Variants in SLC7A2 observed in about 807,000 individuals in gnomAD.
The protein encoded by SLC7A2 is cationic amino acid transporter 2.
Under a neutral mutation model 58.9 loss-of-function variants are expected in SLC7A2, and 48 were observed. The observed-to-expected ratio is 0.82, with a 90% CI of 0.65 to 1.04. The LOEUF (loss-of-function observed/expected upper bound fraction) is 1.04, where lower values mean the gene tolerates loss of function less well. SLC7A2 is among the 50% of genes least tolerant of loss of function. SLC7A2 has a pLI of 0.00. For synonymous variants in SLC7A2, 363 were observed against 314.5 expected (o/e 1.15, Z -1.63); for missense variants, 1,029 against 818.8 (o/e 1.26, Z -3.13).
At chr8:17,523,712 TCATGAC>T (rs1801108025) in intron 2 of SLC7A2, among the ~76,000 whole-genome samples, 1 of 152,144 alleles carries the variant, frequency 6.6e-6, no homozygotes, top group African/African-American at 2.4e-5. Context: ...GGCAAAGAGT[TCATGAC>T]CAAGAACCCA....
At chr8:17,516,196 C>G (rs1029756077) in intron 2 of SLC7A2, among the ~76,000 whole-genome samples, 2 of 150,524 alleles carry the variant, frequency 1.3e-5, no homozygotes, top group Admixed American at 6.7e-5. Flanking sequence ...AGTTCTATAA[C>G]TGTTTTATTT....
chr8:17,524,421 T>TAC (rs367710230), intron 2 of SLC7A2, among the ~76,000 whole-genome samples: 9,178 of 134,940 alleles, frequency 0.068, 288 homozygotes, highest in African/African-American at 0.089. Flanking sequence ...TGTGTGTGTG[T>TAC]ACACACACAC....
chr8:17,559,085 A>AT (rs990817645), intron 9 of SLC7A2, among the ~76,000 whole-genome samples: 2 of 151,986 alleles, frequency 1.3e-5, no homozygotes, highest in Non-Finnish European at 2.9e-5. Flanking sequence ...ACTTTCATGT[A>AT]TTTTTTCTCA....
intron 2 of SLC7A2, among the ~76,000 whole-genome samples, chr8:17,537,690 T>TTTGGGGG (rs1773046197): frequency 2.6e-5 from 4 of 152,198 alleles, no homozygotes; most frequent in Middle Eastern, 3.4e-3. Flanking sequence ...TCCTAGCAGC[T>TTTGGGGG]TGGGGAGAGG....
At chr8:17,526,243 G>A (rs1380796714) in intron 2 of SLC7A2, among the ~76,000 whole-genome samples, 1 of 152,096 alleles carries the variant, frequency 6.6e-6, no homozygotes, top group Admixed American at 6.6e-5. Context: ...AGATTTAAAA[G>A]GTGGAAGAAT....
chr8:17,502,221 T>G (rs1275171068), intron 1 of SLC7A2, 36 bp from the exon 2 acceptor site: 5 of 151,420 alleles, frequency 3.3e-5, no homozygotes, highest in African/African-American at 1.2e-4. Flanking sequence ...ATCACATGAG[T>G]CCTTTAGTTA....
At chr8:17,526,881 G>C (rs1222375590) in intron 2 of SLC7A2, among the ~76,000 whole-genome samples, 1 of 152,176 alleles carries the variant, frequency 6.6e-6, no homozygotes, top group Non-Finnish European at 1.5e-5. Flanking sequence ...TAATGTATTA[G>C]GATTTCAGCA....
At chr8:17,564,835 C>G in intron 12 of SLC7A2, 115 bp from the exon 13 acceptor site, 1 of 893,768 alleles carries the variant, frequency 1.1e-6, no homozygotes, top group Non-Finnish European at 1.6e-6. Context: ...TTCTAAAGTA[C>G]TACAGAAAGG....
chr8:17,563,820 T>A, intron 12 of SLC7A2, 109 bp downstream of exon 12: 1 of 701,724 alleles, frequency 1.4e-6, no homozygotes, highest in Non-Finnish European at 2.5e-6. Flanking sequence ...CGCTTCTTTC[T>A]TTCCTAATTC....
chr8:17,524,045 C>T (rs1220965765), intron 2 of SLC7A2, among the ~76,000 whole-genome samples: 1 of 152,032 alleles, frequency 6.6e-6, no homozygotes, highest in Non-Finnish European at 1.5e-5. Flanking sequence ...AATCAAAAAC[C>T]ATAATGCAAT....
At chr8:17,500,797 CAT>C (rs1162864656) in intron 1 of SLC7A2, among the ~76,000 whole-genome samples, 4 of 72,130 alleles carry the variant, frequency 5.5e-5, no homozygotes, top group Non-Finnish European at 2.6e-5. Flanking sequence ...TCAACACACA[CAT>C]ACACACACAC....
intron 8 of SLC7A2, among the ~76,000 whole-genome samples, chr8:17,557,924 G>T (rs1024344335): frequency 1.3e-5 from 2 of 152,110 alleles, no homozygotes; most frequent in Non-Finnish European, 2.9e-5. Flanking sequence ...CTGTTTGAAT[G>T]TTTTTTTGTG....
chr8:17,551,814 T>C lies in SLC7A2; in HGVS notation c.883T>C (p.Ser295Pro), dbSNP rs1802464401. The change falls in exon 7 of 13, where the codon TCT becomes CCT. Residue 295 changes from serine (S) to proline (P), a missense_variant. Coordinates refer to ENST00000494857, the MANE Select transcript of SLC7A2 (RefSeq NM_001370338.1). The part of the protein sequence containing the change: ...QKAIPIGIVT[S>P]LLVCFMAYFG... ...AGCTATTCCCATTGGAATTGTGACG[T>C]CTTTGCTTGTTTGCTTTATGGCCTA... The C allele has an allele frequency of 6.2e-7, 1 of 1,613,984 alleles. No homozygotes were observed. Among genetic ancestry groups the C allele is most frequent in the Non-Finnish European group, 8.5e-7 (1 of 1,179,998 alleles).
chr8:17,548,640 TAAA>T (rs1449331655), intron 4 of SLC7A2, 35 bp from the exon 5 acceptor site: 1 of 1,525,386 alleles, frequency 6.6e-7, no homozygotes, highest in Non-Finnish European at 9.0e-7. Context: ...TTGCCTTTCC[TAAA>T]GCTAAATAAA....
At chr8:17,509,597 C>T (rs1001233205) in intron 2 of SLC7A2, among the ~76,000 whole-genome samples, 8 of 152,128 alleles carry the variant, frequency 5.3e-5, no homozygotes, top group Admixed American at 1.3e-4. Context: ...GGAGCCACCA[C>T]GCCCAACAAT....
At position 17,558,402 on chromosome 8, in the gene SLC7A2, G is replaced by C; in HGVS notation, c.1298+5G>C. 2 of 1,582,776 alleles carry C rather than the reference G, an allele frequency of 1.3e-6. No homozygotes were observed. The highest frequency in any genetic ancestry group is 1.7e-6 in the Non-Finnish European group (2 of 1,152,444). ...AGCCTGTGTTCTCATCCTCAGGTGA[G>C]TCACCTGGTGGTTCTACAGGGTGTA... On this transcript the variant is annotated splice_donor_5th_base_variant and intron_variant, in intron 9 of 12. Coordinates refer to ENST00000494857, the MANE Select transcript of SLC7A2 (RefSeq NM_001370338.1).
At chr8:17,534,383 G>T (rs561487369) in intron 2 of SLC7A2, among the ~76,000 whole-genome samples, 1 of 152,178 alleles carries the variant, frequency 6.6e-6, no homozygotes, top group African/African-American at 2.4e-5. Context: ...AGGATGAGCA[G>T]TTCGGACCCC....
In SLC7A2 at chr8:17,548,749, C is replaced by A. The variant is rs753989841; in HGVS notation, c.604C>A (p.Leu202Ile). The A allele has an allele frequency of 5.6e-6, 9 of 1,613,718 alleles. No individual in the cohort carries two copies. The highest frequency in any genetic ancestry group is 5.1e-6 in the Non-Finnish European group (6 of 1,179,748). Residue 202 changes from leucine to isoleucine, a missense_variant, in exon 5 of 13, where the codon CTT (leucine) becomes ATT (isoleucine). Leu to Ile is a conservative substitution (Grantham distance 5). Transcript: ENST00000494857. Reference sequence around the variant, plus strand: ...CTTCACAGCTGTTAATATTCTCGTCCTTCTGTTTGTGATGGTTGCTGGGTT... The same window carrying A: ...CTTCACAGCTGTTAATATTCTCGTCATTCTGTTTGTGATGGTTGCTGGGTT... ...KVFTAVNILV[L>I]LFVMVAGFVK... is the part of the protein sequence containing the mutation.
Position 17,566,769 on chromosome 8 carries a change from A to T in SLC7A2, c.*1623A>T, listed in dbSNP as rs1252136897. On this transcript the variant is annotated 3_prime_UTR_variant, in exon 13 of 13. Coordinates refer to ENST00000494857, the MANE Select transcript of SLC7A2 (RefSeq NM_001370338.1). ...TTTGCAGTGTATTTGCTTCTCATGA[A>T]CTATTTCTCGTACAAATCATTAAAT... 1.3e-5 allele frequency: 2 copies of T among 152,124 alleles called. No homozygotes were observed. The highest frequency in any genetic ancestry group is 4.8e-5 in the African/African-American group (2 of 41,420). The allele number at this position is 152,124 out of a possible 1,614,324, so 9.4% of individuals were successfully genotyped here. A position where few individuals can be genotyped will look rare whatever the true frequency, so the allele number is the denominator to read the frequency against.
Sources: gnomAD v4.1 joint callset for allele counts (sites outside exome capture counted in the v4.1 genomes callset) on GRCh38, gnomAD v4.1.1 for gene constraint, MANE v1.5 for transcripts, NCBI Gene and HGNC (gene_info 2026-07-23, HGNC 2026-07-21) for gene names.